Variants in EDARADD observed in about 807,000 individuals in gnomAD.
EDARADD encodes EDAR associated via death domain, also known as ectodysplasin-A receptor-associated adapter protein.
Under a neutral mutation model 25.6 loss-of-function variants are expected in EDARADD, and 20 were observed. That is an observed-to-expected ratio of 0.78 (90% CI 0.55 to 1.14). EDARADD has a LOEUF of 1.14. EDARADD is among the 50% of genes most tolerant of loss of function. EDARADD has a pLI of 0.00. For synonymous variants in EDARADD, 86 were observed against 94.4 expected (o/e 0.91, Z 0.52); for missense variants, 225 against 270.1 (o/e 0.83, Z 1.17).
rs1021962453 is a variant in EDARADD, at chr1:236,484,252, A to G, written c.*1603A>G. 3.1e-6 allele frequency: 3 copies of G among 958,292 alleles called. No homozygotes were observed. The African/African-American group carries it at 4.8e-5, about 15-fold the overall frequency. The allele number at this position is 958,292 out of a possible 1,614,324, so 59.4% of individuals were successfully genotyped here. ...CAGGCGTGCAAGCTGGCCCAGGCCA[A>G]TGGTTGGTGTGTCATGGTGCCTCAT... On this transcript the variant is annotated 3_prime_UTR_variant, in exon 6 of 6. Transcript: ENST00000334232. This position sits in a 1 kb window ranked among gnomAD's most constrained non-coding sequence, Gnocchi z 4.1.
chr1:236,430,411 C>CT (rs1489205675), intron 4 of EDARADD, among the ~76,000 whole-genome samples: 1 of 152,092 alleles, frequency 6.6e-6, no homozygotes, highest in Non-Finnish European at 1.5e-5. Context: ...ATGTAGTTTA[C>CT]TTTTAGGGAT....
rs568719710 is a variant in EDARADD at position 236,453,782 on chromosome 1, C to T, written c.220-14449C>T. On this transcript the variant is annotated intron_variant, in intron 4 of 5. Transcript: ENST00000334232. ...AGGGCACTCTATGATGTTCACACAA[C>T]GAAATCACCTAAGGACGCATTTCTC... is the stretch of plus-strand genomic sequence containing the variant. Among the ~76,000 whole-genome samples the T allele has an allele frequency of 1.6e-4, 24 of 152,306 alleles. 1 individual carries two copies. Among genetic ancestry groups the T allele is most frequent in the African/African-American group, 4.8e-4 (20 of 41,574 alleles).
Position 236,414,269 on chromosome 1 carries a change from T to C in EDARADD, c.130T>C (p.Tyr44His). The C allele has an allele frequency of 6.2e-7, 1 of 1,610,746 alleles. No homozygotes were observed. The highest frequency in any genetic ancestry group is 8.5e-7 in the Non-Finnish European group (1 of 1,177,058). Reference sequence around the variant, plus strand: ...TTGTTGGTTTCTACAGTCAGACAAATATCCCATTCAAGATACGGAACTCCC... The same window carrying C: ...TTGTTGGTTTCTACAGTCAGACAAACATCCCATTCAAGATACGGAACTCCC... ...STLSFNMSDKYPIQDTELPKA... is the reference protein window; with the variant it reads ...STLSFNMSDKHPIQDTELPKA... Residue 44 changes from tyrosine to histidine, a missense_variant, in exon 3 of 6, where the codon TAT (tyrosine) becomes CAT (histidine). Transcript: ENST00000334232.
At chr1:236,418,326 C>G (rs1225148717) in intron 3 of EDARADD, among the ~76,000 whole-genome samples, 1 of 151,456 alleles carries the variant, frequency 6.6e-6, no homozygotes, top group Non-Finnish European at 1.5e-5. Context: ...CTCACTGCAA[C>G]CTTTGCCTCC....
rs546837328 is a variant in EDARADD, at chr1:236,431,648, G to A, written c.219+4198G>A. 1.1e-4 allele frequency among the ~76,000 whole-genome samples: 13 copies of A among 114,842 alleles called. 4 individuals carry two copies. In the East Asian group the frequency reaches 1.9e-3, roughly 16 times the overall value. 75.3% of individuals were successfully genotyped at this position (114,842 alleles called of 152,430 possible). ...GTTAAGACCCCAGGCAGGGCCGGGC[G>A]CGGTGGCTCACGCCTGTAATCCCAG... On this transcript the variant is annotated intron_variant, in intron 4 of 5. Coordinates refer to ENST00000334232, the MANE Select transcript of EDARADD (RefSeq NM_145861.4).
At chr1:236,406,921 A>G (rs1287335636) in intron 1 of EDARADD, among the ~76,000 whole-genome samples, 1 of 152,238 alleles carries the variant, frequency 6.6e-6, no homozygotes, top group Non-Finnish European at 1.5e-5. Flanking sequence ...TTGCTTGGGC[A>G]GTAAGAGTTC....
At position 236,398,027 on chromosome 1, in the gene EDARADD, G is replaced by A. The variant is rs1427381875; in HGVS notation, c.61+3522G>A. Among the ~76,000 whole-genome samples, 2 of 152,160 alleles carry A rather than the reference G, an allele frequency of 1.3e-5. No homozygotes were observed. Among genetic ancestry groups the A allele is most frequent in the Non-Finnish European group, 2.9e-5 (2 of 68,038 alleles). Reference sequence around the variant, plus strand: ...ATTTCCCACACTCTTCTCCCGCCTGGTGTTTTCACACCATTCCAACGTAGG... The same window carrying A: ...ATTTCCCACACTCTTCTCCCGCCTGATGTTTTCACACCATTCCAACGTAGG... On this transcript the variant is annotated intron_variant, in intron 1 of 5. Transcript: ENST00000334232. This position sits in a 1 kb window ranked among gnomAD's most constrained non-coding sequence, Gnocchi z 4.1.
At chr1:236,392,038 C>G (rs1309466823), upstream of EDARADD, among the ~76,000 whole-genome samples, 1 of 152,188 alleles carries the variant, frequency 6.6e-6, no homozygotes, top group Non-Finnish European at 1.5e-5. Context: ...TTGCAAATCT[C>G]TTTTGACCAC....
chr1:236,360,537 GTTTTTTTTTTTT>G (rs869053977), intron 3 of EDARADD, among the ~76,000 whole-genome samples: 8 of 131,266 alleles, frequency 6.1e-5, no homozygotes, highest in Non-Finnish European at 1.3e-4. Context: ...TTAATTCACG[GTTTTTTTTTTTT>G]TTTTTTTTTT....
At chr1:236,462,675 T>C (rs1659069410) in intron 4 of EDARADD, among the ~76,000 whole-genome samples, 6 of 152,208 alleles carry the variant, frequency 3.9e-5, no homozygotes, top group Admixed American at 3.9e-4. Flanking sequence ...GAAATGGGAC[T>C]TGACTGTCAG....
At chr1:236,450,218 G>A (rs1316414522) in intron 4 of EDARADD, among the ~76,000 whole-genome samples, 4 of 152,038 alleles carry the variant, frequency 2.6e-5, no homozygotes, top group South Asian at 4.2e-4. Context: ...ACGAAGGATC[G>A]CTTAAGCCTA....
At chr1:236,430,490 C>T (rs1658063456) in intron 4 of EDARADD, among the ~76,000 whole-genome samples, 2 of 152,102 alleles carry the variant, frequency 1.3e-5, no homozygotes, top group Non-Finnish European at 2.9e-5. Context: ...TTCCTAATTT[C>T]AGTGTTATAA....
At chr1:236,447,838 T>C (rs988906221) in intron 4 of EDARADD, among the ~76,000 whole-genome samples, 15 of 147,568 alleles carry the variant, frequency 1.0e-4, no homozygotes, top group Admixed American at 2.0e-4. Flanking sequence ...AACTTTTTTT[T>C]TTCTTCTTTT....
At chr1:236,392,879 A>G (rs1667443949), upstream of EDARADD, among the ~76,000 whole-genome samples, 1 of 152,138 alleles carries the variant, frequency 6.6e-6, no homozygotes, top group Admixed American at 6.5e-5. Flanking sequence ...CATGTTGGGC[A>G]GTCTGATCTC....
At chr1:236,467,717 C>T (rs1659251482) in intron 4 of EDARADD, among the ~76,000 whole-genome samples, 1 of 151,578 alleles carries the variant, frequency 6.6e-6, no homozygotes, top group Non-Finnish European at 1.5e-5. Flanking sequence ...AGGAAGATAA[C>T]CCATAATGTA....
chr1:236,419,948 C>T (rs372956127), intron 3 of EDARADD, among the ~76,000 whole-genome samples: 2 of 152,090 alleles, frequency 1.3e-5, no homozygotes, highest in African/African-American at 2.4e-5. Flanking sequence ...GAGGCCAAGG[C>T]GGGTGGATTA....
intron 5 of EDARADD, among the ~76,000 whole-genome samples, chr1:236,480,902 G>A (rs1659654015): frequency 6.6e-6 from 1 of 152,202 alleles, no homozygotes; most frequent in South Asian, 2.1e-4. Context: ...TCTGGGGTAG[G>A]CGCATGCTCT....
intron 3 of EDARADD, among the ~76,000 whole-genome samples, chr1:236,368,641 T>G (rs1166504425): frequency 6.6e-6 from 1 of 152,024 alleles, no homozygotes; most frequent in Non-Finnish European, 1.5e-5. Context: ...GGTTTCTCCA[T>G]GTTGGTCAGG....
At chr1:236,378,086 AGT>A (rs1011409294) in intron 3 of EDARADD, among the ~76,000 whole-genome samples, 4 of 152,112 alleles carry the variant, frequency 2.6e-5, no homozygotes, top group African/African-American at 4.8e-5. Flanking sequence ...GAACTTCACA[AGT>A]GTTTCTCAGT....
Sources: allele counts gnomAD v4.1 joint callset (sites outside exome capture counted in the v4.1 genomes callset), GRCh38; gene constraint gnomAD v4.1.1; non-coding constraint Gnocchi (gnomAD v3.1); transcripts MANE v1.5; gene names NCBI Gene and HGNC (gene_info 2026-07-23, HGNC 2026-07-21).